Variants in LONP2 observed in about 807,000 individuals in gnomAD.
LONP2 encodes the protein lon protease homolog 2, peroxisomal.
Under a neutral mutation model 85.6 loss-of-function variants are expected in LONP2, and 60 were observed. That is an observed-to-expected ratio of 0.70 (90% CI 0.57 to 0.87). LONP2 has a LOEUF of 0.87. Among genes scored for constraint, LONP2 ranks in the 40% least tolerant of loss-of-function variants. LONP2 has a pLI of 0.00. For missense variants in LONP2, 860 were observed against 1,063.5 expected, an observed-to-expected ratio of 0.81 and a Z score of 2.66; for synonymous variants, 395 against 389.7, an observed-to-expected ratio of 1.01 and a Z score of -0.16.
chr16:48,354,722 T>C lies in LONP2; in HGVS notation c.*2920T>C, dbSNP rs896746702. ...CTCGAACAGTCACTGGGGCAACTAC[T>C]TTTCGCCCAGTGTCCTCCAGAAAAG... On this transcript the variant is annotated 3_prime_UTR_variant, in exon 15 of 15. Coordinates refer to ENST00000285737, the MANE Select transcript of LONP2 (RefSeq NM_031490.5). 1 of 152,186 alleles carries C rather than the reference T, an allele frequency of 6.6e-6. No homozygotes were observed. Among genetic ancestry groups the C allele is most frequent in the Non-Finnish European group, 1.5e-5 (1 of 68,042 alleles). 9.4% of individuals were successfully genotyped at this position (152,186 alleles called of 1,614,324 possible). A position where few individuals can be genotyped will look rare whatever the true frequency, so the allele number is the denominator to read the frequency against.
At chr16:48,308,814 A>G (rs1229561231) in intron 11 of LONP2, among the ~76,000 whole-genome samples, 1 of 152,172 alleles carries the variant, frequency 6.6e-6, no homozygotes, top group East Asian at 1.9e-4. Context: ...AGACTTAATT[A>G]AACTAAAAAG....
At chr16:48,310,707 C>T (rs974987736) in intron 11 of LONP2, among the ~76,000 whole-genome samples, 10 of 151,096 alleles carry the variant, frequency 6.6e-5, no homozygotes, top group African/African-American at 2.5e-4. Flanking sequence ...TTCTGGAGTT[C>T]TGTCATGTTG....
At chr16:48,318,130 G>A (rs568486310) in intron 11 of LONP2, among the ~76,000 whole-genome samples, 2 of 152,054 alleles carry the variant, frequency 1.3e-5, no homozygotes, top group South Asian at 2.1e-4. Flanking sequence ...TTCTCTCGCA[G>A]GGACAGCTTC....
chr16:48,316,560 C>T (rs747891826), intron 11 of LONP2, among the ~76,000 whole-genome samples: 3 of 151,796 alleles, frequency 2.0e-5, no homozygotes, highest in Non-Finnish European at 4.4e-5. Flanking sequence ...CTCCTGACCT[C>T]AAGTGATCCA....
At chr16:48,298,971 A>G (rs907261682) in intron 9 of LONP2, among the ~76,000 whole-genome samples, 1 of 150,974 alleles carries the variant, frequency 6.6e-6, no homozygotes, top group Non-Finnish European at 1.5e-5. Flanking sequence ...ACTCATTGCA[A>G]CCTCCACCTC....
chr16:48,245,022 C>T (rs1257592311), intron 1 of LONP2, among the ~76,000 whole-genome samples: 3 of 152,158 alleles, frequency 2.0e-5, no homozygotes, highest in Non-Finnish European at 4.4e-5. Context: ...TCCCCACTGC[C>T]CTTTACTCCT....
At chr16:48,312,661 G>A (rs1411764975) in intron 11 of LONP2, among the ~76,000 whole-genome samples, 1 of 152,126 alleles carries the variant, frequency 6.6e-6, no homozygotes, top group African/African-American at 2.4e-5. Context: ...TGCCTAGCTG[G>A]GGTGGATGAT....
intron 12 of LONP2, chr16:48,334,844 A>G (rs892129846): frequency 3.9e-6 from 2 of 509,366 alleles, no homozygotes; most frequent in Non-Finnish European, 7.8e-6. Flanking sequence ...GGTCTTCACA[A>G]AGATCCACAT....
downstream of LONP2, chr16:48,361,431 T>C (rs1183032908): frequency 4.3e-6 from 3 of 699,304 alleles, no homozygotes; most frequent in Non-Finnish European, 7.2e-6. Context: ...TGCAACTGTT[T>C]CCTGTATTTA....
intron 11 of LONP2, among the ~76,000 whole-genome samples, chr16:48,305,396 A>C (rs1320255872): frequency 6.6e-6 from 1 of 152,134 alleles, no homozygotes; most frequent in Non-Finnish European, 1.5e-5. Flanking sequence ...CTGGTACTGT[A>C]GACGGATGCC....
chr16:48,259,078 C>T (rs1489957058), intron 4 of LONP2, among the ~76,000 whole-genome samples: 3 of 152,092 alleles, frequency 2.0e-5, no homozygotes, highest in Non-Finnish European at 4.4e-5. Context: ...GAAACTAATA[C>T]AAAACTCTTT....
chr16:48,282,474 A>G (rs75853782), intron 8 of LONP2, among the ~76,000 whole-genome samples: 1,823 of 151,708 alleles, frequency 0.012, 37 homozygotes, highest in African/African-American at 0.042. Flanking sequence ...AAGTCTGTTG[A>G]CACCATTTTT....
chr16:48,314,080 T>A (rs73551474), intron 11 of LONP2, among the ~76,000 whole-genome samples: 2,405 of 152,318 alleles, frequency 0.016, 53 homozygotes, highest in African/African-American at 0.053. Context: ...CTTTGTCCTA[T>A]GTTTGTTGGC....
At chr16:48,324,337 CGT>C (rs898343033) in intron 11 of LONP2, among the ~76,000 whole-genome samples, 1 of 152,150 alleles carries the variant, frequency 6.6e-6, no homozygotes, top group African/African-American at 2.4e-5. Flanking sequence ...GGTCTGAAAT[CGT>C]GTGTCAAACA....
chr16:48,253,438 C>T (rs946237746), intron 2 of LONP2, among the ~76,000 whole-genome samples: 1 of 151,478 alleles, frequency 6.6e-6, no homozygotes, highest in Non-Finnish European at 1.5e-5. Context: ...TCACTGCATT[C>T]CAGCCTGGGC....
At chr16:48,322,588 G>C (rs1173750757) in intron 11 of LONP2, among the ~76,000 whole-genome samples, 2 of 152,088 alleles carry the variant, frequency 1.3e-5, no homozygotes, top group East Asian at 3.9e-4. Context: ...GAAAAGCATA[G>C]TATAGTCCAG....
intron 4 of LONP2, 28 bp from the exon 5 acceptor site, chr16:48,261,396 G>A (rs150414975): frequency 0.013 from 19,135 of 1,522,906 alleles, 175 homozygotes; most frequent in Non-Finnish European, 0.015. Context: ...TTTGACATAC[G>A]GTTTTACTTT....
In LONP2 at chr16:48,334,306, T is replaced by A. The variant is rs747605080; in HGVS notation, c.1886T>A (p.Ile629Asn). 6.2e-7 allele frequency: 1 copy of A among 1,614,180 alleles called. No individual in the cohort carries two copies. Among genetic ancestry groups the A allele is most frequent in the East Asian group, 2.2e-5 (1 of 44,880 alleles). The change falls in exon 12 of 15, where the codon ATT (isoleucine) becomes AAT (asparagine). Residue 629 changes from isoleucine (I) to asparagine (N), a missense_variant. Physicochemically the swap from Ile to Asn is moderately radical, Grantham distance 149. Coordinates refer to ENST00000285737, the MANE Select transcript of LONP2 (RefSeq NM_031490.5). ...CTACCACCTGAAATGCCGATTTTGA[T>A]TGATTTCCATGCTCTGAAAGACATC... ...LALPPEMPIL[I>N]DFHALKDILG...
chr16:48,329,178 C>T (rs1402310269), intron 11 of LONP2, among the ~76,000 whole-genome samples: 1 of 152,202 alleles, frequency 6.6e-6, no homozygotes, highest in Non-Finnish European at 1.5e-5. Flanking sequence ...CCTGCAGCTT[C>T]ACTTTCTGCA....
Sources: gnomAD v4.1 joint callset for allele counts (sites outside exome capture counted in the v4.1 genomes callset) on GRCh38, gnomAD v4.1.1 for gene constraint, MANE v1.5 for transcripts, NCBI Gene and HGNC (gene_info 2026-07-23, HGNC 2026-07-21) for gene names.